Variants in PSME4 observed in about 807,000 individuals in gnomAD.
PSME4 encodes proteasome activator subunit 4, also known as proteasome activator complex subunit 4.
PSME4 carries 89 observed loss-of-function variants against 253.9 expected under a neutral mutation model. The observed-to-expected ratio is 0.35, with a 90% CI of 0.30 to 0.42. The LOEUF (loss-of-function observed/expected upper bound fraction) is 0.42. Among genes scored for constraint, PSME4 ranks in the 10% least tolerant of loss-of-function variants. The pLI is 1.00. For synonymous variants in PSME4, 851 were observed against 759.2 expected, an observed-to-expected ratio of 1.12 and a Z score of -1.99; for missense variants, 2,014 against 2,195.2, an observed-to-expected ratio of 0.92 and a Z score of 1.65.
At chr2:53,888,584 A>T in intron 38 of PSME4, 137 bp downstream of exon 38, 4 of 568,874 alleles carry the variant, frequency 7.0e-6, no homozygotes, top group Non-Finnish European at 1.2e-5. Context: ...GTTATATGGA[A>T]CCAGATCACA....
intron 41 of PSME4, among the ~76,000 whole-genome samples, chr2:53,878,598 A>C (rs895362901): frequency 6.6e-6 from 1 of 152,232 alleles, no homozygotes; most frequent in Non-Finnish European, 1.5e-5. Flanking sequence ...GAGAAAGAGA[A>C]TGTGTCCCTA....
intron 3 of PSME4, among the ~76,000 whole-genome samples, chr2:53,947,512 T>C (rs1669772815): frequency 6.6e-6 from 1 of 151,532 alleles, no homozygotes; most frequent in Non-Finnish European, 1.5e-5. Flanking sequence ...GAGACCATCT[T>C]GGCTAACATG....
chr2:53,932,154 A>T (rs1668861359), intron 9 of PSME4, 54 bp from the exon 10 acceptor site: 3 of 1,515,024 alleles, frequency 2.0e-6, no homozygotes, highest in East Asian at 4.5e-5. Flanking sequence ...CCGCATAGAC[A>T]TTCATGGTTG....
At chr2:53,888,681 C>A (rs777311734) in intron 38 of PSME4, 40 bp downstream of exon 38, 8 of 1,374,802 alleles carry the variant, frequency 5.8e-6, no homozygotes, top group Non-Finnish European at 8.3e-6. Context: ...TAACACAAAA[C>A]CTTTCGTGTT....
chr2:53,926,969 T>C (rs976363804), intron 12 of PSME4, among the ~76,000 whole-genome samples: 8 of 134,204 alleles, frequency 6.0e-5, no homozygotes, highest in African/African-American at 1.6e-4. Flanking sequence ...CAAGACTCCA[T>C]CTCAAAAAAA....
Position 53,899,808 on chromosome 2 carries a change from ACT to A in PSME4, c.3422+71_3422+72del, listed in dbSNP as rs1553409328. 4.6e-6 allele frequency: 7 copies of A among 1,521,992 alleles called. No individual in the cohort carries two copies. In the African/African-American group the frequency reaches 6.9e-5, roughly 15 times the overall value. The allele number at this position is 1,521,992 out of a possible 1,614,324, so 94.3% of individuals were successfully genotyped here. A position where few individuals can be genotyped will look rare whatever the true frequency, so the allele number is the denominator to read the frequency against. ...ACTCCAGCCTGGGCAACAGAGCAAGACTCTGTCTCAAAAAAAAGCCAAAACTT... is the reference window on the plus strand; with the variant it reads ...ACTCCAGCCTGGGCAACAGAGCAAGACTGTCTCAAAAAAAAGCCAAAACTT... On this transcript the variant is annotated intron_variant, in intron 29 of 46. Transcript: ENST00000404125.
intron 43 of PSME4, among the ~76,000 whole-genome samples, chr2:53,872,186 C>G (rs1485260609): frequency 6.6e-6 from 1 of 152,152 alleles, no homozygotes; most frequent in African/African-American, 2.4e-5. Context: ...ATATTTTACT[C>G]CAGGGTACAT....
intron 20 of PSME4, among the ~76,000 whole-genome samples, chr2:53,916,693 A>C (rs1668078609): frequency 6.6e-6 from 1 of 152,212 alleles, no homozygotes; most frequent in Admixed American, 6.5e-5. Context: ...GCATTTTAGA[A>C]ATTTTAAAGG....
chr2:53,946,819 C>T (rs1000648551), intron 3 of PSME4, among the ~76,000 whole-genome samples: 5 of 151,918 alleles, frequency 3.3e-5, no homozygotes, highest in Middle Eastern at 3.2e-3. Context: ...GAGGCTGAGG[C>T]GGGAAGACTG....
chr2:53,869,761 T>C (rs1678778416), intron 43 of PSME4: 1 of 343,048 alleles, frequency 2.9e-6, no homozygotes, highest in Non-Finnish European at 5.2e-6. Context: ...GCATAAACTT[T>C]TATCTCTTTT....
At chr2:53,961,554 C>T (rs375909808) in intron 1 of PSME4, among the ~76,000 whole-genome samples, 1 of 151,898 alleles carries the variant, frequency 6.6e-6, no homozygotes, top group Non-Finnish European at 1.5e-5. Context: ...GATACATGCC[C>T]GTGGTCCCAG....
intron 8 of PSME4, chr2:53,932,978 G>A (rs1668912637): frequency 4.2e-6 from 2 of 478,064 alleles, no homozygotes; most frequent in Non-Finnish European, 7.5e-6. Flanking sequence ...CAGCTTACTT[G>A]AACCAACATA....
intron 18 of PSME4, 116 bp from the exon 19 acceptor site, chr2:53,920,466 C>A: frequency 9.6e-7 from 1 of 1,040,108 alleles, no homozygotes. Context: ...TAATCCAAAC[C>A]TAAGGTAGCA....
At chr2:53,900,120 A>G (rs1467030682) in intron 28 of PSME4, 103 bp from the exon 29 acceptor site, 3 of 1,052,308 alleles carry the variant, frequency 2.9e-6, no homozygotes, top group East Asian at 2.5e-5. Flanking sequence ...CAGACACAAA[A>G]GTCCACATAT....
chr2:53,885,013 GAAT>G (rs1232384310), intron 41 of PSME4, among the ~76,000 whole-genome samples: 3 of 152,142 alleles, frequency 2.0e-5, no homozygotes, highest in Non-Finnish European at 4.4e-5. Flanking sequence ...CTGTACTGAT[GAAT>G]AATGTCAAAA....
chr2:53,916,241 CAAAAAAAAAA>C lies in PSME4; in HGVS notation c.2516+2900_2516+2909del, dbSNP rs10685516. ...TGGGCAATAGGGCGAGACTCTGTCT[CAAAAAAAAAA>C]AAAAAAAAAATCTTATGAATTGCTA... On this transcript the variant is annotated intron_variant, in intron 20 of 46. Transcript: ENST00000404125. Among the ~76,000 whole-genome samples, 5 of 104,614 alleles carry C rather than the reference CAAAAAAAAAA, an allele frequency of 4.8e-5. No individual in the cohort carries two copies. In the South Asian group the frequency reaches 1.7e-3, roughly 35 times the overall value. 68.6% of individuals were successfully genotyped at this position (104,614 alleles called of 152,430 possible).
At position 53,900,009 on chromosome 2, in the gene PSME4, C is replaced by A. The variant is rs1000706483; in HGVS notation, c.3294G>T (p.Lys1098Asn). The A allele has an allele frequency of 6.2e-7, 1 of 1,609,976 alleles. No individual in the cohort carries two copies. The part of the protein sequence containing the change: ...ETIGLDFTIP[K>N]SCVEIAELLQ... ...GTAATTCCGCTATTTCAACACATGACTTTGGAATCTTGTTAAAAAGAAAAA... is the reference window on the plus strand; with the variant it reads ...GTAATTCCGCTATTTCAACACATGAATTTGGAATCTTGTTAAAAAGAAAAA... Residue 1098 changes from lysine (K) to asparagine (N), a missense_variant, in exon 29 of 47, where the codon AAG becomes AAT. Lys to Asn is a moderately conservative substitution (Grantham distance 94). Coordinates refer to ENST00000404125, the MANE Select transcript of PSME4 (RefSeq NM_014614.3).
chr2:53,899,037 G>GAA (rs138444850), intron 29 of PSME4, among the ~76,000 whole-genome samples: 1 of 150,966 alleles, frequency 6.6e-6, no homozygotes, highest in African/African-American at 2.4e-5. Context: ...TAATTCACTA[G>GAA]AAAAAAAAAG....
intron 20 of PSME4, among the ~76,000 whole-genome samples, chr2:53,915,162 C>T (rs923986423): frequency 1.3e-5 from 2 of 152,110 alleles, no homozygotes; most frequent in African/African-American, 4.8e-5. Flanking sequence ...TTTGGCTGGG[C>T]GTGGTGGTTC....
Sources: gnomAD v4.1 joint callset for allele counts (sites outside exome capture counted in the v4.1 genomes callset) on GRCh38, gnomAD v4.1.1 for gene constraint, MANE v1.5 for transcripts, NCBI Gene and HGNC (gene_info 2026-07-23, HGNC 2026-07-21) for gene names.